The following XRN1 variants were observed in gnomAD, a reference collection of about 807,000 sequenced individuals.
The protein encoded by XRN1 is 5'-3' exoribonuclease 1, also known as strand-exchange protein 1 homolog.
A neutral mutation model predicts 222.3 loss-of-function variants in XRN1; 67 were observed. The ratio of observed to expected loss-of-function variants is 0.30; its 90% CI spans 0.25 to 0.37. The LOEUF (loss-of-function observed/expected upper bound fraction) is 0.37. Ranked by LOEUF, XRN1 falls within the 10% of genes least tolerant of loss-of-function variation. XRN1 has a pLI of 1.00. For synonymous variants in XRN1, 643 were observed against 652.4 expected (o/e 0.99, Z 0.22); for missense variants, 1,707 against 2,000.2 (o/e 0.85, Z 2.80).
intron 24 of XRN1, 166 bp downstream of exon 24, chr3:142,376,313 A>C: frequency 1.4e-6 from 1 of 719,578 alleles, no homozygotes; most frequent in Non-Finnish European, 2.3e-6. Flanking sequence ...CAACCACCTA[A>C]AACATGTGCC....
intron 34 of XRN1, among the ~76,000 whole-genome samples, chr3:142,334,803 A>AC (rs57347012): frequency 0.29 from 38,778 of 134,004 alleles, 5,138 homozygotes; most frequent in Middle Eastern, 0.32. Context: ...CACACACACA[A>AC]AAGACCATAT....
Position 142,422,861 on chromosome 3 carries a change from T to C in XRN1, c.772A>G (p.Ile258Val). ...TTTAATACTGAAAACTCATAGTCAA[T>C]ATACTCTCTCATTAAAGACAAGTGT... ...LLHLSLMREY[I>V]DYEFSVLKEK... Residue 258 changes from isoleucine to valine, a missense_variant, in exon 7 of 41, where the codon ATT (isoleucine) becomes GTT (valine). Physicochemically the swap from Ile to Val is conservative, Grantham distance 29. Around this residue, in one of 2 missense-constraint regions of XRN1, gnomAD observed 1,234 missense variants for 1,518.2 expected, o/e 0.81. Coordinates refer to ENST00000392981, the MANE Select transcript of XRN1 (RefSeq NM_001282857.2). The C allele has an allele frequency of 6.2e-7, 1 of 1,612,402 alleles. No individual in the cohort carries two copies. Among genetic ancestry groups the C allele is most frequent in the Non-Finnish European group, 8.5e-7 (1 of 1,178,930 alleles).
intron 27 of XRN1, among the ~76,000 whole-genome samples, chr3:142,369,283 G>C (rs2066910461): frequency 6.6e-6 from 1 of 152,156 alleles, no homozygotes; most frequent in Non-Finnish European, 1.5e-5. Flanking sequence ...AAGAAAGCGA[G>C]ACGTAAGAAA....
chr3:142,312,996 A>C, intron 39 of XRN1: 1 of 1,015,436 alleles, frequency 9.8e-7, no homozygotes, highest in Non-Finnish European at 1.4e-6. Context: ...GAAAAGGAGA[A>C]TACTACTACT....
At chr3:142,326,456 T>C (rs1445698171) in intron 37 of XRN1, among the ~76,000 whole-genome samples, 1 of 152,100 alleles carries the variant, frequency 6.6e-6, no homozygotes, top group Admixed American at 6.6e-5. Context: ...CTTTTTCAGA[T>C]TGTTTGCTGT....
At chr3:142,437,973 G>A (rs994665987) in intron 1 of XRN1, among the ~76,000 whole-genome samples, 2 of 152,078 alleles carry the variant, frequency 1.3e-5, no homozygotes, top group South Asian at 2.1e-4. Flanking sequence ...TCAGAGAAAC[G>A]CAAATCAAAA....
At chr3:142,374,972 C>T (rs2067098400) in intron 25 of XRN1, among the ~76,000 whole-genome samples, 1 of 152,032 alleles carries the variant, frequency 6.6e-6, no homozygotes, top group South Asian at 2.1e-4. Flanking sequence ...TGTGAGACAC[C>T]CAGCGAGAAC....
chr3:142,425,591 G>T, intron 3 of XRN1, 53 bp from the exon 4 acceptor site: 1 of 1,440,848 alleles, frequency 6.9e-7, no homozygotes, highest in East Asian at 2.4e-5. Context: ...AAAACATTAA[G>T]TTCTCAGTGA....
chr3:142,347,128 A>C, intron 33 of XRN1, 106 bp downstream of exon 33: 1 of 851,534 alleles, frequency 1.2e-6, no homozygotes, highest in Non-Finnish European at 1.8e-6. Flanking sequence ...CGTATACTTT[A>C]AAATAATGAA....
At chr3:142,373,717 G>A (rs2067055168) in intron 25 of XRN1, among the ~76,000 whole-genome samples, 1 of 152,204 alleles carries the variant, frequency 6.6e-6, no homozygotes, top group Non-Finnish European at 1.5e-5. Context: ...GCCAGGTGTT[G>A]TGGCTCATAC....
At chr3:142,432,229 T>TTA (rs1333102161) in intron 2 of XRN1, among the ~76,000 whole-genome samples, 8 of 106,416 alleles carry the variant, frequency 7.5e-5, no homozygotes, top group Non-Finnish European at 1.0e-4. Context: ...ATATAATTAA[T>TTA]TATATATATA....
chr3:142,421,910 T>C (rs1429792028), intron 8 of XRN1, among the ~76,000 whole-genome samples: 2 of 149,744 alleles, frequency 1.3e-5, no homozygotes, highest in Non-Finnish European at 3.0e-5. Flanking sequence ...ACTATGTTTG[T>C]CAATTTTCTG....
At chr3:142,381,604 G>T in intron 22 of XRN1, among the ~76,000 whole-genome samples, 1 of 126,250 alleles carries the variant, frequency 7.9e-6, no homozygotes, top group East Asian at 2.4e-4. Flanking sequence ...GTCTCACTGT[G>T]TCATCAAGGC....
At chr3:142,335,695 A>G (rs1307072314) in intron 33 of XRN1, among the ~76,000 whole-genome samples, 186 bp from the exon 34 acceptor site, 2 of 152,170 alleles carry the variant, frequency 1.3e-5, no homozygotes, top group Non-Finnish European at 2.9e-5. Flanking sequence ...TAATAGAGAA[A>G]ATGGAAAGGT....
At position 142,421,507 on chromosome 3, in the gene XRN1, C is replaced by T. The variant is rs141580692; in HGVS notation, c.1004G>A (p.Arg335Gln). The T allele has an allele frequency of 1.8e-5, 29 of 1,609,614 alleles. No homozygotes were observed. The highest frequency in any genetic ancestry group is 6.6e-5 in the South Asian group (6 of 90,226). Residue 335 changes from arginine to glutamine, a missense_variant, in exon 9 of 41, where the codon CGA (arginine) becomes CAA (glutamine). By Grantham distance (43) the Arg-to-Gln change is conservative (BLOSUM62 1). Transcript: ENST00000392981. ...TAGTTTCACAAGGTATTTCTCAAAT[C>T]GAGGTAAGTTGAGGTGCCCACTTTC... ...INESGHLNLP[R>Q]FEKYLVKLSD...
chr3:142,349,872 T>A (rs1251536955), intron 32 of XRN1, among the ~76,000 whole-genome samples: 1 of 152,122 alleles, frequency 6.6e-6, no homozygotes, highest in African/African-American at 2.4e-5. Flanking sequence ...AGGGGTTGCA[T>A]GTAGGAGATA....
At chr3:142,428,538 G>T (rs534757628) in intron 2 of XRN1, among the ~76,000 whole-genome samples, 2 of 152,116 alleles carry the variant, frequency 1.3e-5, no homozygotes, top group Non-Finnish European at 2.9e-5. Flanking sequence ...AAGTAATCTA[G>T]ATTAAGATAA....
intron 33 of XRN1, among the ~76,000 whole-genome samples, chr3:142,340,182 C>G (rs962733532): frequency 8.6e-5 from 13 of 151,882 alleles, no homozygotes; most frequent in African/African-American, 3.1e-4. Flanking sequence ...ATGGAGAAAC[C>G]CTGTCTCTAC....
intron 14 of XRN1, among the ~76,000 whole-genome samples, chr3:142,413,357 G>A (rs538403241): frequency 5.3e-5 from 8 of 152,262 alleles, no homozygotes; most frequent in South Asian, 2.1e-4. Context: ...GTATTAAAGC[G>A]TATTGTATCC....
Sources: gnomAD v4.1 joint callset for allele counts (sites outside exome capture counted in the v4.1 genomes callset) on GRCh38, gnomAD v4.1.1 for gene constraint, gnomAD v4.1.1 regional missense constraint, MANE v1.5 for transcripts, NCBI Gene and HGNC (gene_info 2026-07-23, HGNC 2026-07-21) for gene names.